ABCA1: variants seen among roughly 807,000 people sequenced by gnomAD.
ABCA1 encodes the protein ATP binding cassette subfamily A member 1, also known as phospholipid-transporting ATPase ABCA1.
A neutral mutation model predicts 262.5 loss-of-function variants in ABCA1; 133 were observed. The observed-to-expected ratio is 0.51, with a 90% confidence interval of 0.44 to 0.59. The LOEUF (loss-of-function observed/expected upper bound fraction) is 0.59, where lower values mean the gene tolerates loss of function less well. Ranked by LOEUF, ABCA1 falls within the 20% of genes least tolerant of loss-of-function variation. ABCA1 has a pLI of 0.00. For missense variants in ABCA1, 2,452 were observed against 2,777.5 expected (o/e 0.88, Z 2.63); for synonymous variants, 1,022 against 1,043.5 (o/e 0.98, Z 0.40).
intron 5 of ABCA1, among the ~76,000 whole-genome samples, chr9:104,877,294 C>T (rs1297105285): frequency 1.3e-5 from 2 of 152,214 alleles, no homozygotes; most frequent in Admixed American, 6.5e-5. Context: ...CTGTGAAGTA[C>T]AGGTATTTTA....
chr9:104,919,634 C>T (rs1247970500), intron 1 of ABCA1, among the ~76,000 whole-genome samples: 2 of 151,786 alleles, frequency 1.3e-5, no homozygotes, highest in African/African-American at 4.8e-5. Flanking sequence ...AAAACCTACA[C>T]CCAAAATGAT....
In ABCA1 at chr9:104,786,324, A is replaced by G; in HGVS notation, c.6375T>C (p.Leu2125=). ...AIMVNGRFRC[L]GSVQHLKNRF... is the part of the protein sequence containing the mutation. ...TATTTTTTAGATGCTGGACACTGCCAAGGCACCTGAACCTTCCATTGACCA... is the reference window on the plus strand; with the variant it reads ...TATTTTTTAGATGCTGGACACTGCCGAGGCACCTGAACCTTCCATTGACCA... The change falls in exon 48 of 50, where the codon CTT becomes CTC. Residue 2125 remains leucine (L), a synonymous_variant. Coordinates refer to ENST00000374736, the MANE Select transcript of ABCA1 (RefSeq NM_005502.4). The G allele has an allele frequency of 1.2e-6, 2 of 1,614,142 alleles. No homozygotes were observed. The highest frequency in any genetic ancestry group is 1.7e-6 in the Non-Finnish European group (2 of 1,179,988).
intron 47 of ABCA1, 49 bp from the exon 48 acceptor site, chr9:104,786,439 CCATGAGAA>C: frequency 6.7e-7 from 1 of 1,498,058 alleles, no homozygotes; most frequent in Non-Finnish European, 9.3e-7. Context: ...TTCTCTGTAA[CCATGAGAA>C]CATCACCATG....
intron 7 of ABCA1, among the ~76,000 whole-genome samples, chr9:104,850,390 G>A (rs1407633505): frequency 2.0e-5 from 3 of 152,130 alleles, no homozygotes; most frequent in South Asian, 4.1e-4. Flanking sequence ...CCAAAGTGCT[G>A]GGATTGCAGG....
intron 25 of ABCA1, 136 bp downstream of exon 25, chr9:104,816,006 CA>C: frequency 1.0e-6 from 1 of 969,394 alleles, no homozygotes; most frequent in Non-Finnish European, 1.7e-6. Context: ...TCACTGGGGC[CA>C]ACATTAATCA....
At chr9:104,903,020 C>G (rs1238065914) in intron 2 of ABCA1, among the ~76,000 whole-genome samples, 5 of 152,188 alleles carry the variant, frequency 3.3e-5, no homozygotes, top group Non-Finnish European at 5.9e-5. Context: ...CTACAGCCCT[C>G]ACATCCCTCT....
chr9:104,862,651 G>GCACCC lies in ABCA1; in HGVS notation c.422-852_422-851insGGGTG, dbSNP rs1564198183. ...CAGACTGCCGGGCCGGGCCGGGCCG[G>GCACCC]GCCGGGCCGGGCCGGGCCGGGCCGG... On this transcript the variant is annotated intron_variant, in intron 5 of 49. Coordinates refer to ENST00000374736, the MANE Select transcript of ABCA1 (RefSeq NM_005502.4). Among the ~76,000 whole-genome samples, 5 of 6,722 alleles carry GCACCC rather than the reference G, an allele frequency of 7.4e-4. 1 individual carries two copies. Among genetic ancestry groups the GCACCC allele is most frequent in the African/African-American group, 3.3e-3 (5 of 1,500 alleles). The allele number at this position is 6,722 out of a possible 152,430, so 4.4% of individuals were successfully genotyped here.
At chr9:104,834,744 A>G (rs1005370206) in intron 11 of ABCA1, among the ~76,000 whole-genome samples, 7 of 132,762 alleles carry the variant, frequency 5.3e-5, no homozygotes, top group African/African-American at 1.9e-4. Flanking sequence ...AAAGAGAGCA[A>G]ATCAGTGTCA....
chr9:104,817,470 G>T lies in ABCA1; in HGVS notation c.3463-66C>A. The T allele has an allele frequency of 1.3e-6, 2 of 1,534,454 alleles. No individual in the cohort carries two copies. Among genetic ancestry groups the T allele is most frequent in the Non-Finnish European group, 1.8e-6 (2 of 1,109,950 alleles). On this transcript the variant is annotated intron_variant, in intron 23 of 49. Coordinates refer to ENST00000374736, the MANE Select transcript of ABCA1 (RefSeq NM_005502.4). This position sits in a 1 kb window ranked among gnomAD's most constrained non-coding sequence, Gnocchi z 4.7. ...GCAAGGCAGAGCCACCAGCACCTTC[G>T]CCGGGGAGGGCTTCCAAGAAGCTCT... is the stretch of plus-strand genomic sequence containing the variant.
intron 3 of ABCA1, among the ~76,000 whole-genome samples, chr9:104,886,151 G>C (rs1260038430): frequency 6.6e-6 from 1 of 152,122 alleles, no homozygotes; most frequent in African/African-American, 2.4e-5. Flanking sequence ...CTGTGGGAGT[G>C]AATCTACCCC....
chr9:104,872,619 G>A (rs1356944360), intron 5 of ABCA1, among the ~76,000 whole-genome samples: 17 of 152,240 alleles, frequency 1.1e-4, no homozygotes, highest in Non-Finnish European at 4.4e-5. Flanking sequence ...TATGAAAAAT[G>A]TAAAATGGTA....
intron 1 of ABCA1, among the ~76,000 whole-genome samples, chr9:104,906,119 C>T (rs1841116661): frequency 6.6e-6 from 1 of 152,176 alleles, no homozygotes; most frequent in South Asian, 2.1e-4. Flanking sequence ...TTCATTCCAA[C>T]AATATCCTCT....
At chr9:104,846,935 G>T (rs921764626) in intron 7 of ABCA1, among the ~76,000 whole-genome samples, 3 of 152,110 alleles carry the variant, frequency 2.0e-5, no homozygotes, top group African/African-American at 7.2e-5. Flanking sequence ...ATAACTAAAG[G>T]TTAACACACT....
chr9:104,875,557 G>C (rs1838089838), intron 5 of ABCA1, among the ~76,000 whole-genome samples: 1 of 151,976 alleles, frequency 6.6e-6, no homozygotes, highest in Non-Finnish European at 1.5e-5. Flanking sequence ...AAGGTGATAT[G>C]TCCTCCAAAG....
Position 104,787,972 on chromosome 9 carries a change from C to A in ABCA1, c.6152G>T (p.Arg2051Leu). ...YAGNYSGGNK[R>L]KLSTAMALIG... is the part of the protein sequence containing the mutation. ...CAAAGCCATGGCTGTAGAGAGCTTG[C>A]GTTTGTTGCCTCCACTATAGTTACC... The change falls in exon 46 of 50, where the codon CGC becomes CTC. Residue 2051 changes from arginine (R) to leucine (L), a missense_variant. By Grantham distance (102) the Arg-to-Leu change is moderately radical. Coordinates refer to ENST00000374736, the MANE Select transcript of ABCA1 (RefSeq NM_005502.4). 6.2e-7 allele frequency: 1 copy of A among 1,614,186 alleles called. No individual in the cohort carries two copies. The highest frequency in any genetic ancestry group is 8.5e-7 in the Non-Finnish European group (1 of 1,180,040).
chr9:104,787,821 A>T, intron 46 of ABCA1, 99 bp downstream of exon 46: 2 of 1,612,354 alleles, frequency 1.2e-6, no homozygotes, highest in Non-Finnish European at 1.7e-6. Flanking sequence ...GGGGGAAGAC[A>T]AGCCAATCAT....
At chr9:104,883,842 G>C (rs879573925) in intron 4 of ABCA1, among the ~76,000 whole-genome samples, 15 of 152,136 alleles carry the variant, frequency 9.9e-5, no homozygotes, top group Admixed American at 8.5e-4. Flanking sequence ...GTCTCATTTG[G>C]GGGACACTTA....
rs1458595841 is a variant in ABCA1, at chr9:104,782,138, G to A, written c.*2177C>T. 1 of 151,918 alleles carries A rather than the reference G, an allele frequency of 6.6e-6. No homozygotes were observed. The highest frequency in any genetic ancestry group is 2.4e-5 in the African/African-American group (1 of 41,394). 9.4% of individuals were successfully genotyped at this position (151,918 alleles called of 1,614,324 possible). Reference sequence around the variant, plus strand: ...TTAGAATACGATTTTAGTAAAATGAGGAAACCATAACTTTGATTTTGAAAA... The same window carrying A: ...TTAGAATACGATTTTAGTAAAATGAAGAAACCATAACTTTGATTTTGAAAA... On this transcript the variant is annotated 3_prime_UTR_variant, in exon 50 of 50. Transcript: ENST00000374736.
intron 1 of ABCA1, among the ~76,000 whole-genome samples, chr9:104,910,288 T>C (rs1841415061): frequency 6.6e-6 from 1 of 152,206 alleles, no homozygotes; most frequent in Non-Finnish European, 1.5e-5. Flanking sequence ...TGAAGACTCA[T>C]TCCCACTACA....
Sources: allele counts gnomAD v4.1 joint callset (sites outside exome capture counted in the v4.1 genomes callset), GRCh38; gene constraint gnomAD v4.1.1; non-coding constraint Gnocchi (gnomAD v3.1); transcripts MANE v1.5; gene names NCBI Gene and HGNC (gene_info 2026-07-23, HGNC 2026-07-21).